Variants in AKAP13 observed in about 807,000 individuals in gnomAD.
The protein encoded by AKAP13 is A-kinase anchoring protein 13.
AKAP13 carries 80 observed loss-of-function variants against 264.5 expected under a neutral mutation model. The ratio of observed to expected loss-of-function variants is 0.30; its 90% confidence interval spans 0.25 to 0.36. AKAP13 has a LOEUF of 0.36. Ranked by LOEUF, AKAP13 falls within the 10% of genes least tolerant of loss-of-function variation. The pLI is 1.00. For missense variants in AKAP13, 3,712 were observed against 3,435.2 expected (o/e 1.08, Z -2.01); for synonymous variants, 1,380 against 1,250.2 (o/e 1.10, Z -2.19).
At chr15:85,422,078 C>A (rs1433163815) in intron 1 of AKAP13, among the ~76,000 whole-genome samples, 1 of 152,232 alleles carries the variant, frequency 6.6e-6, no homozygotes, top group African/African-American at 2.4e-5. Flanking sequence ...CTATCATGAT[C>A]TCTCTTGGCA....
intron 23 of AKAP13, among the ~76,000 whole-genome samples, chr15:85,721,231 C>G (rs1412863952): frequency 1.3e-5 from 2 of 152,170 alleles, no homozygotes; most frequent in Admixed American, 1.3e-4. Context: ...TAGGATCAAC[C>G]TTTGGGGCAT....
At chr15:85,744,311 C>G in intron 36 of AKAP13, 2 of 349,136 alleles carry the variant, frequency 5.7e-6, no homozygotes, top group Non-Finnish European at 1.1e-5. Flanking sequence ...TCATGTACCA[C>G]TTTTTCCCCT....
chr15:85,398,027 G>A (rs12708608), intron 1 of AKAP13, among the ~76,000 whole-genome samples: 81,646 of 151,972 alleles, frequency 0.54, 22,725 homozygotes, highest in African/African-American at 0.65. Context: ...CAGAGAGGCT[G>A]GACTTGCTCA....
intron 8 of AKAP13, among the ~76,000 whole-genome samples, chr15:85,613,505 C>T (rs1289716318): frequency 2.6e-5 from 4 of 151,584 alleles, no homozygotes; most frequent in East Asian, 1.9e-4. Context: ...CACGGTGAAA[C>T]CCCGTCTCTA....
intron 8 of AKAP13, among the ~76,000 whole-genome samples, chr15:85,594,108 G>A (rs2079703087): frequency 6.6e-6 from 1 of 152,164 alleles, no homozygotes; most frequent in South Asian, 2.1e-4. Flanking sequence ...CAGTATGAAT[G>A]AGTGATTTTA....
In AKAP13 at chr15:85,682,134, CT is replaced by C. The variant is rs767935870; in HGVS notation, c.5102-17del. ...TCAGTGTTAAATTTTTTGGTTCTAA[CT>C]TTTTTTCTGCCTTGTTTTCTAGATT... On this transcript the variant is annotated intron_variant, in intron 14 of 36. Transcript: ENST00000394518. 35 of 1,612,460 alleles carry C rather than the reference CT, an allele frequency of 2.2e-5. No individual in the cohort carries two copies. In the African/African-American group the frequency reaches 4.0e-4, roughly 18 times the overall value.
intron 12 of AKAP13, among the ~76,000 whole-genome samples, chr15:85,659,589 G>A (rs2083246626): frequency 1.3e-5 from 2 of 150,314 alleles, no homozygotes; most frequent in African/African-American, 2.5e-5. Context: ...TACTAAATAA[G>A]TTTTTCAGTA....
chr15:85,406,782 G>A (rs1024390484), intron 1 of AKAP13, among the ~76,000 whole-genome samples: 1 of 151,618 alleles, frequency 6.6e-6, no homozygotes, highest in Non-Finnish European at 1.5e-5. Context: ...ATAACATTTT[G>A]TGTTAGGAGA....
chr15:85,582,302 T>C (rs1451520640), intron 7 of AKAP13, among the ~76,000 whole-genome samples, 195 bp downstream of exon 7: 2 of 152,224 alleles, frequency 1.3e-5, no homozygotes, highest in East Asian at 1.9e-4. Flanking sequence ...GCTTCCTGTA[T>C]TGTAGACTTA....
intron 1 of AKAP13, among the ~76,000 whole-genome samples, chr15:85,452,536 A>G (rs2074129364): frequency 6.8e-6 from 1 of 147,118 alleles, no homozygotes; most frequent in Non-Finnish European, 1.5e-5. Context: ...GAGTATGGTC[A>G]ATAGACTTCT....
At chr15:85,401,169 T>C (rs762690320) in intron 1 of AKAP13, among the ~76,000 whole-genome samples, 5 of 152,204 alleles carry the variant, frequency 3.3e-5, no homozygotes, top group South Asian at 2.1e-4. Context: ...GCATATTATA[T>C]CACTAGATGT....
intron 10 of AKAP13, among the ~76,000 whole-genome samples, chr15:85,652,578 G>A (rs2082905527): frequency 6.6e-6 from 1 of 152,172 alleles, no homozygotes; most frequent in Non-Finnish European, 1.5e-5. Context: ...GCAGCTAAGC[G>A]TGAGTATATT....
chr15:85,619,710 T>A, intron 8 of AKAP13: 1 of 1,001,568 alleles, frequency 1.0e-6, no homozygotes, highest in Non-Finnish European at 1.2e-6. Context: ...GCCGTTATGC[T>A]TAGCCAGTTT....
At chr15:85,711,182 A>G (rs947508184) in intron 19 of AKAP13, among the ~76,000 whole-genome samples, 6 of 152,154 alleles carry the variant, frequency 3.9e-5, no homozygotes, top group Admixed American at 1.3e-4. Context: ...TGCCCGGCCT[A>G]AACTTCTTTC....
intron 4 of AKAP13, 100 bp downstream of exon 4, chr15:85,533,980 C>T: frequency 1.6e-6 from 2 of 1,269,632 alleles, no homozygotes; most frequent in Non-Finnish European, 1.1e-6. Flanking sequence ...TTCAGGTCTT[C>T]CACAGAGGCT....
chr15:85,611,700 C>A (rs147303362), intron 8 of AKAP13, among the ~76,000 whole-genome samples: 3 of 152,184 alleles, frequency 2.0e-5, no homozygotes, highest in Admixed American at 1.3e-4. Flanking sequence ...AACAACTCTT[C>A]GATTGCTTTT....
chr15:85,733,868 CTTTT>C (rs1179133559), intron 30 of AKAP13, among the ~76,000 whole-genome samples: 1 of 108,676 alleles, frequency 9.2e-6, no homozygotes, highest in Non-Finnish European at 2.0e-5. Flanking sequence ...TCTTTTCTTT[CTTTT>C]CTTTTTTTTT....
chr15:85,596,244 T>C (rs1278987647), intron 8 of AKAP13, among the ~76,000 whole-genome samples: 1 of 152,230 alleles, frequency 6.6e-6, no homozygotes, highest in African/African-American at 2.4e-5. Context: ...TGTATTGATC[T>C]TCTTTTTCTG....
At position 85,727,949 on chromosome 15, in the gene AKAP13, C is replaced by A. The variant is rs895026619; in HGVS notation, c.7087+486C>A. Among the ~76,000 whole-genome samples, 1 of 152,164 alleles carries A rather than the reference C, an allele frequency of 6.6e-6. No homozygotes were observed. Among genetic ancestry groups the A allele is most frequent in the Non-Finnish European group, 1.5e-5 (1 of 68,034 alleles). The stretch of plus-strand genomic sequence containing the variant: ...AGGGTATGTATCAATCTATGTTTGA[C>A]CCTTATTTATTGAGTGCTGACTGTT... On this transcript the variant is annotated intron_variant, in intron 29 of 36. Transcript: ENST00000394518. The surrounding 1 kb of genome is among the most constrained non-coding windows in gnomAD (Gnocchi z 5.3).
Sources: gnomAD v4.1 joint callset for allele counts (sites outside exome capture counted in the v4.1 genomes callset) on GRCh38, gnomAD v4.1.1 for gene constraint, Gnocchi (gnomAD v3.1) non-coding constraint, MANE v1.5 for transcripts, NCBI Gene and HGNC (gene_info 2026-07-23, HGNC 2026-07-21) for gene names.